Variants in CAMTA1 observed in about 807,000 individuals in gnomAD.
The protein encoded by CAMTA1 is calmodulin-binding transcription activator 1.
CAMTA1 carries 27 observed loss-of-function variants against 170.9 expected under a neutral mutation model. That is an observed-to-expected ratio of 0.16 (90% CI 0.12 to 0.22). CAMTA1 has a LOEUF of 0.22. Among genes scored for constraint, CAMTA1 ranks in the 10% least tolerant of loss-of-function variants. The pLI, the probability that CAMTA1 is intolerant of heterozygous loss-of-function variation, is 1.00. For missense variants in CAMTA1, 1,619 were observed against 2,217.2 expected, an observed-to-expected ratio of 0.73 and a Z score of 5.42; for synonymous variants, 833 against 891.5, an observed-to-expected ratio of 0.93 and a Z score of 1.17.
At chr1:7,122,980 C>T (rs978226774) in intron 4 of CAMTA1, among the ~76,000 whole-genome samples, 1 of 152,128 alleles carries the variant, frequency 6.6e-6, no homozygotes, top group Non-Finnish European at 1.5e-5. Flanking sequence ...CTGTCGAAGC[C>T]CTGGAGGACT....
At chr1:6,795,338 T>C (rs1642231542) in intron 1 of CAMTA1, among the ~76,000 whole-genome samples, 2 of 150,998 alleles carry the variant, frequency 1.3e-5, no homozygotes, top group Non-Finnish European at 1.5e-5. Context: ...CAGGTGTGTG[T>C]CACCATGGCT....
intron 4 of CAMTA1, among the ~76,000 whole-genome samples, chr1:7,209,143 G>C (rs745961977): frequency 2.6e-5 from 4 of 152,104 alleles, no homozygotes; most frequent in African/African-American, 9.7e-5. Context: ...CTTAATAATT[G>C]CTTTAGTTTC....
At chr1:6,785,944 C>T (rs1639140575) in intron 1 of CAMTA1, among the ~76,000 whole-genome samples, 4 of 149,454 alleles carry the variant, frequency 2.7e-5, no homozygotes, top group African/African-American at 9.8e-5. Flanking sequence ...CGCTGCGCGG[C>T]CCCCGCACCC....
intron 5 of CAMTA1, among the ~76,000 whole-genome samples, chr1:7,457,401 C>T (rs1215297870): frequency 6.6e-6 from 1 of 152,060 alleles, no homozygotes; most frequent in Admixed American, 6.5e-5. Flanking sequence ...CTTGGGGGCC[C>T]CAACAGGAAG....
chr1:7,049,649 G>A (rs1384945565), intron 3 of CAMTA1, among the ~76,000 whole-genome samples: 2 of 152,174 alleles, frequency 1.3e-5, no homozygotes, highest in Non-Finnish European at 2.9e-5. Flanking sequence ...TAGAGATGAG[G>A]TTTCATCATG....
At chr1:7,130,949 CCTTTT>C (rs972164372) in intron 4 of CAMTA1, among the ~76,000 whole-genome samples, 2 of 151,666 alleles carry the variant, frequency 1.3e-5, no homozygotes, top group East Asian at 1.9e-4. Context: ...TTGTTCCTTG[CCTTTT>C]CTTTTCTTTT....
intron 6 of CAMTA1, among the ~76,000 whole-genome samples, chr1:7,556,260 G>T (rs1454254369): frequency 1.3e-5 from 2 of 152,154 alleles, no homozygotes; most frequent in Non-Finnish European, 2.9e-5. Flanking sequence ...GATAGAGGAG[G>T]TTGTGGGGTA....
At chr1:6,889,317 A>C (rs1674009849) in intron 3 of CAMTA1, among the ~76,000 whole-genome samples, 1 of 152,250 alleles carries the variant, frequency 6.6e-6, no homozygotes, top group Non-Finnish European at 1.5e-5. Flanking sequence ...TAAATGTAGA[A>C]AGCAGTTAAT....
rs551852703 is a variant in CAMTA1, at chr1:7,432,457, G to A, written c.439-35373G>A. Among the ~76,000 whole-genome samples the A allele has an allele frequency of 3.3e-5, 5 of 152,318 alleles. No homozygotes were observed. In the East Asian group the frequency reaches 7.7e-4, roughly 24 times the overall value. On this transcript the variant is annotated intron_variant, in intron 5 of 22. Coordinates refer to ENST00000303635, the MANE Select transcript of CAMTA1 (RefSeq NM_015215.4). ...AATGGGAGGAGCATGTTCCGGTAGCGGCCAGGGAATTGAGGCACAGAGACC... is the reference window on the plus strand; with the variant it reads ...AATGGGAGGAGCATGTTCCGGTAGCAGCCAGGGAATTGAGGCACAGAGACC...
intron 6 of CAMTA1, among the ~76,000 whole-genome samples, chr1:7,503,031 C>T (rs373747559): frequency 5.3e-5 from 8 of 152,302 alleles, no homozygotes; most frequent in African/African-American, 7.2e-5. Flanking sequence ...CCCTCTTAGC[C>T]GGGGCCTGGC....
intron 3 of CAMTA1, among the ~76,000 whole-genome samples, chr1:6,962,211 A>G (rs1042676882): frequency 1.3e-5 from 2 of 152,184 alleles, no homozygotes; most frequent in Admixed American, 1.3e-4. Flanking sequence ...CGCAGGTCTC[A>G]GACAACAGGT....
rs531603300 is a variant in CAMTA1, at chr1:7,634,193, G to T, written c.511-6207G>T. 6.6e-6 allele frequency among the ~76,000 whole-genome samples: 1 copy of T among 152,336 alleles called. No homozygotes were observed. The highest frequency in any genetic ancestry group is 2.4e-5 in the African/African-American group (1 of 41,584). ...CCGGGAGGAGGGCACACTCCCACGTGCGCAGGAGAGCAGGTGGAGGATCAG... is the reference window on the plus strand; with the variant it reads ...CCGGGAGGAGGGCACACTCCCACGTTCGCAGGAGAGCAGGTGGAGGATCAG... On this transcript the variant is annotated intron_variant, in intron 6 of 22. Transcript: ENST00000303635. This position sits in a 1 kb window ranked among gnomAD's most constrained non-coding sequence, Gnocchi z 6.2.
chr1:7,562,062 A>G lies in CAMTA1; in HGVS notation c.511-78338A>G, dbSNP rs2094964119. On this transcript the variant is annotated intron_variant, in intron 6 of 22. Coordinates refer to ENST00000303635, the MANE Select transcript of CAMTA1 (RefSeq NM_015215.4). This position sits in a 1 kb window ranked among gnomAD's most constrained non-coding sequence, Gnocchi z 4.8. Reference sequence around the variant, plus strand: ...TCGTGGCCAAGATGGTGATTGGGAGATGGTGTTCAGGGAAGCCTTTGTGCC... The same window carrying G: ...TCGTGGCCAAGATGGTGATTGGGAGGTGGTGTTCAGGGAAGCCTTTGTGCC... Among the ~76,000 whole-genome samples, 1 of 151,972 alleles carries G rather than the reference A, an allele frequency of 6.6e-6. No homozygotes were observed. The highest frequency in any genetic ancestry group is 2.4e-5 in the African/African-American group (1 of 41,334).
chr1:6,928,669 C>T (rs986742193), intron 3 of CAMTA1, among the ~76,000 whole-genome samples: 2 of 152,214 alleles, frequency 1.3e-5, no homozygotes, highest in South Asian at 4.1e-4. Context: ...CCAGCTCATT[C>T]TCACCCCAGG....
chr1:6,828,887 G>A (rs891439165), intron 3 of CAMTA1, among the ~76,000 whole-genome samples: 2 of 144,542 alleles, frequency 1.4e-5, no homozygotes, highest in African/African-American at 2.6e-5. Flanking sequence ...ATTCTGTAAC[G>A]TAGTTTTTTT....
chr1:7,055,122 C>T (rs1360512033), intron 3 of CAMTA1, among the ~76,000 whole-genome samples: 2 of 152,172 alleles, frequency 1.3e-5, no homozygotes, highest in East Asian at 1.9e-4. Context: ...CAGTCACCTC[C>T]TACCAGACCC....
At chr1:7,595,395 A>T (rs796070281) in intron 6 of CAMTA1, among the ~76,000 whole-genome samples, 10 of 152,366 alleles carry the variant, frequency 6.6e-5, no homozygotes, top group African/African-American at 2.4e-4. Context: ...AATACCTTTT[A>T]GAAAGCTATT....
chr1:6,890,893 C>G (rs1401869909), intron 3 of CAMTA1, among the ~76,000 whole-genome samples: 2 of 152,196 alleles, frequency 1.3e-5, no homozygotes, highest in Non-Finnish European at 2.9e-5. Context: ...ATTCTGTACT[C>G]TTTAGGCAGA....
At chr1:7,317,804 G>A (rs1677754658) in intron 5 of CAMTA1, among the ~76,000 whole-genome samples, 1 of 152,118 alleles carries the variant, frequency 6.6e-6, no homozygotes, top group South Asian at 2.1e-4. Flanking sequence ...CTCTTTTTGG[G>A]GATATTTATA....
Sources: gnomAD v4.1 joint callset for allele counts (sites outside exome capture counted in the v4.1 genomes callset) on GRCh38, gnomAD v4.1.1 for gene constraint, Gnocchi (gnomAD v3.1) non-coding constraint, MANE v1.5 for transcripts, NCBI Gene and HGNC (gene_info 2026-07-23, HGNC 2026-07-21) for gene names.